Variants in ST8SIA1 observed in about 807,000 individuals in gnomAD.
ST8SIA1 encodes the protein alpha-N-acetylneuraminide alpha-2,8-sialyltransferase.
A neutral mutation model predicts 35.9 loss-of-function variants in ST8SIA1; 16 were observed. That is an observed-to-expected ratio of 0.45 (90% CI 0.30 to 0.68). The LOEUF (loss-of-function observed/expected upper bound fraction) is 0.68, where lower values mean the gene tolerates loss of function less well. ST8SIA1 is among the 30% of genes least tolerant of loss of function. The pLI, the probability that ST8SIA1 is intolerant of heterozygous loss-of-function variation, is 0.09. For missense variants in ST8SIA1, 383 were observed against 453.6 expected, an observed-to-expected ratio of 0.84 and a Z score of 1.41; for synonymous variants, 170 against 169.6, an observed-to-expected ratio of 1.00 and a Z score of -0.02.
chr12:22,306,070 T>G (rs1413296395), intron 1 of ST8SIA1, among the ~76,000 whole-genome samples: 2 of 152,092 alleles, frequency 1.3e-5, no homozygotes, highest in Non-Finnish European at 2.9e-5. Flanking sequence ...ATCAGTTAGG[T>G]CATATCTTTT....
rs975511126 is a variant in ST8SIA1 at position 22,193,565 on chromosome 12, C to A, written c.*7987G>T. 1 of 152,082 alleles carries A rather than the reference C, an allele frequency of 6.6e-6. No individual in the cohort carries two copies. Among genetic ancestry groups the A allele is most frequent in the Non-Finnish European group, 1.5e-5 (1 of 68,014 alleles). The allele number at this position is 152,082 out of a possible 1,614,324, so 9.4% of individuals were successfully genotyped here. On this transcript the variant is annotated 3_prime_UTR_variant, in exon 5 of 5. Coordinates refer to ENST00000396037, the MANE Select transcript of ST8SIA1 (RefSeq NM_003034.4). ...CCTCCTATGACATTGCATTTAGATT[C>A]GGTGGAAAGAAGCAAGTCAGCAGAA...
At chr12:22,285,005 C>T (rs967698625) in intron 2 of ST8SIA1, among the ~76,000 whole-genome samples, 9 of 152,214 alleles carry the variant, frequency 5.9e-5, no homozygotes, top group Non-Finnish European at 1.2e-4. Context: ...GCTTCCTTAT[C>T]TCTTCCTCAT....
intron 1 of ST8SIA1, among the ~76,000 whole-genome samples, chr12:22,332,920 C>T (rs1866787797): frequency 6.6e-6 from 1 of 152,154 alleles, no homozygotes; most frequent in Non-Finnish European, 1.5e-5. Flanking sequence ...ACCCAGACCA[C>T]TACAATCACA....
intron 1 of ST8SIA1, among the ~76,000 whole-genome samples, chr12:22,302,940 A>G (rs1238818949): frequency 6.6e-6 from 1 of 152,082 alleles, no homozygotes. Flanking sequence ...CATCTTACAT[A>G]TATCAATGGA....
intron 4 of ST8SIA1, among the ~76,000 whole-genome samples, chr12:22,243,604 TG>T (rs1425485323): frequency 6.6e-6 from 1 of 152,212 alleles, no homozygotes; most frequent in African/African-American, 2.4e-5. Context: ...TTCCAGCACT[TG>T]CTACCTGTTT....
intron 4 of ST8SIA1, among the ~76,000 whole-genome samples, chr12:22,203,056 G>T (rs1040053821): frequency 2.0e-5 from 3 of 152,174 alleles, no homozygotes; most frequent in Non-Finnish European, 4.4e-5. Flanking sequence ...AGCAGTGACT[G>T]CTTACAGCAC....
At chr12:22,308,244 C>G (rs909615454) in intron 1 of ST8SIA1, among the ~76,000 whole-genome samples, 23 of 151,970 alleles carry the variant, frequency 1.5e-4, no homozygotes, top group African/African-American at 5.3e-4. Context: ...CTTTTAAGAG[C>G]TATTAAAAAT....
At chr12:22,295,860 A>T (rs1325579033) in intron 1 of ST8SIA1, among the ~76,000 whole-genome samples, 2 of 152,214 alleles carry the variant, frequency 1.3e-5, no homozygotes, top group Non-Finnish European at 1.5e-5. Flanking sequence ...GTCTGCTTGT[A>T]CAGAATTCTC....
At chr12:22,283,536 C>T (rs1024487367) in intron 2 of ST8SIA1, among the ~76,000 whole-genome samples, 1 of 152,202 alleles carries the variant, frequency 6.6e-6, no homozygotes, top group African/African-American at 2.4e-5. Context: ...TACCATCACA[C>T]CGTCCTCCCC....
intron 4 of ST8SIA1, among the ~76,000 whole-genome samples, chr12:22,225,369 T>A (rs536597286): frequency 6.6e-6 from 1 of 152,216 alleles, no homozygotes; most frequent in South Asian, 2.1e-4. Flanking sequence ...TGGATCCTAC[T>A]AGTAGCTGGA....
At chr12:22,207,542 G>A (rs1056850164) in intron 4 of ST8SIA1, among the ~76,000 whole-genome samples, 5 of 152,074 alleles carry the variant, frequency 3.3e-5, no homozygotes, top group Admixed American at 1.3e-4. Context: ...AGTGGGGGGC[G>A]GTCTGAGACA....
rs1865049514 is a variant in ST8SIA1 at position 22,201,694 on chromosome 12, T to C, written c.929A>G (p.His310Arg). The C allele has an allele frequency of 1.9e-6, 3 of 1,614,106 alleles. No homozygotes were observed. In the East Asian group the frequency reaches 6.7e-5, roughly 36 times the overall value. The change falls in exon 5 of 5, where the codon CAC becomes CGC. Residue 310 changes from histidine (H) to arginine (R), a missense_variant. By Grantham distance (29) the His-to-Arg change is conservative. Coordinates refer to ENST00000396037, the MANE Select transcript of ST8SIA1 (RefSeq NM_003034.4). Reference protein sequence around the residue: ...VNMHEQPISHHYYDNVLPFSG... With the variant: ...VNMHEQPISHRYYDNVLPFSG... ...AAAGGGTAAGACGTTGTCATAGTAG[T>C]GGTGGCTGATGGGCTGCTCATGCAT...
chr12:22,311,931 G>A (rs1414719643), intron 1 of ST8SIA1, among the ~76,000 whole-genome samples: 1 of 152,166 alleles, frequency 6.6e-6, no homozygotes, highest in Non-Finnish European at 1.5e-5. Context: ...GGATGAAGGT[G>A]ACTGTCAAAA....
At chr12:22,231,735 G>A (rs1258599485) in intron 4 of ST8SIA1, among the ~76,000 whole-genome samples, 2 of 151,720 alleles carry the variant, frequency 1.3e-5, no homozygotes, top group African/African-American at 2.4e-5. Context: ...CACCACGCCC[G>A]GCTAATTTTT....
chr12:22,243,303 T>A (rs1230476684), intron 4 of ST8SIA1, among the ~76,000 whole-genome samples: 1 of 152,168 alleles, frequency 6.6e-6, no homozygotes, highest in Non-Finnish European at 1.5e-5. Context: ...TTTCATCACA[T>A]GAAAGTACAA....
At chr12:22,285,669 C>T (rs1463309630) in intron 2 of ST8SIA1, among the ~76,000 whole-genome samples, 7 of 152,090 alleles carry the variant, frequency 4.6e-5, no homozygotes, top group African/African-American at 1.4e-4. Flanking sequence ...GTCCGGAGTT[C>T]GAGACCAGCC....
At chr12:22,253,389 G>A (rs1287861081) in intron 3 of ST8SIA1, among the ~76,000 whole-genome samples, 3 of 152,120 alleles carry the variant, frequency 2.0e-5, no homozygotes, top group Non-Finnish European at 4.4e-5. Flanking sequence ...TACCTCTCTG[G>A]CTCCATCTCA....
intron 2 of ST8SIA1, among the ~76,000 whole-genome samples, chr12:22,275,643 T>G (rs1013551718): frequency 5.9e-5 from 9 of 152,170 alleles, no homozygotes; most frequent in Non-Finnish European, 8.8e-5. Flanking sequence ...GTTCATATCG[T>G]GAAGACCTTG....
At chr12:22,308,783 C>A (rs1408057351) in intron 1 of ST8SIA1, among the ~76,000 whole-genome samples, 1 of 152,122 alleles carries the variant, frequency 6.6e-6, no homozygotes, top group African/African-American at 2.4e-5. Flanking sequence ...CCAAATTTCT[C>A]CTTCTTATAA....
Sources: gnomAD v4.1 joint callset for allele counts (sites outside exome capture counted in the v4.1 genomes callset) on GRCh38, gnomAD v4.1.1 for gene constraint, MANE v1.5 for transcripts, NCBI Gene and HGNC (gene_info 2026-07-23, HGNC 2026-07-21) for gene names.